PCDHA5: variants seen among roughly 807,000 people sequenced by gnomAD.
The protein encoded by PCDHA5 is protocadherin alpha 5.
In PCDHA5, 43 loss-of-function variants were observed where a neutral mutation model predicts 61.6. The observed-to-expected ratio is 0.70, with a 90% CI of 0.55 to 0.90. The LOEUF (loss-of-function observed/expected upper bound fraction) is 0.90. PCDHA5 is among the 40% of genes least tolerant of loss of function. The pLI, the probability that PCDHA5 is intolerant of heterozygous loss-of-function variation, is 0.00. For synonymous variants in PCDHA5, 627 were observed against 543.9 expected, an observed-to-expected ratio of 1.15 and a Z score of -2.13; for missense variants, 1,298 against 1,222.7, an observed-to-expected ratio of 1.06 and a Z score of -0.92.
At chr5:140,828,652 T>C (rs1357911961) in intron 1 of PCDHA5, 8 of 1,614,198 alleles carry the variant, frequency 5.0e-6, no homozygotes, top group South Asian at 1.1e-5. Flanking sequence ...TAAACAGTGA[T>C]GACAATAAAC....
chr5:140,884,490 G>A (rs2060210547), intron 1 of PCDHA5: 1 of 1,614,064 alleles, frequency 6.2e-7, no homozygotes, highest in Non-Finnish European at 8.5e-7. Flanking sequence ...ACTCTAGTGT[G>A]CTCCAGCGCG....
chr5:140,832,712 T>C (rs1357328899), intron 1 of PCDHA5, among the ~76,000 whole-genome samples: 1 of 152,102 alleles, frequency 6.6e-6, no homozygotes. Flanking sequence ...ATTTAATAGA[T>C]AAATAAAGGT....
At chr5:140,985,690 C>G (rs752184454) in intron 3 of PCDHA5, among the ~76,000 whole-genome samples, 1 of 151,742 alleles carries the variant, frequency 6.6e-6, no homozygotes, top group Admixed American at 6.6e-5. Flanking sequence ...TACGCTAATC[C>G]TCGTTCATAT....
intron 1 of PCDHA5, among the ~76,000 whole-genome samples, chr5:140,911,275 G>C (rs1048648150): frequency 2.0e-5 from 3 of 152,164 alleles, no homozygotes; most frequent in African/African-American, 7.2e-5. Context: ...AGTGTCCCCA[G>C]CTTCATCAGG....
At chr5:140,913,451 T>G (rs1201347326) in intron 1 of PCDHA5, among the ~76,000 whole-genome samples, 1 of 152,160 alleles carries the variant, frequency 6.6e-6, no homozygotes, top group East Asian at 1.9e-4. Context: ...CAGCTCCGAT[T>G]TTATTTACTT....
Position 140,850,457 on chromosome 5 carries a change from C to T in PCDHA5, c.2352+26330C>T, listed in dbSNP as rs2041615283. On this transcript the variant is annotated intron_variant, in intron 1 of 3. Transcript: ENST00000529859. ...GCCTACTGGTGCTGGTGAAAGACCA[C>T]GGGGAGCCAGCGCTGACGGCCACGG... is the stretch of plus-strand genomic sequence containing the variant. 8.1e-6 allele frequency: 13 copies of T among 1,597,684 alleles called. 1 individual carries two copies. Among genetic ancestry groups the T allele is most frequent in the Non-Finnish European group, 1.1e-5 (13 of 1,167,628 alleles).
At chr5:140,917,665 T>C (rs1174470921) in intron 1 of PCDHA5, among the ~76,000 whole-genome samples, 4 of 152,220 alleles carry the variant, frequency 2.6e-5, no homozygotes, top group African/African-American at 9.6e-5. Flanking sequence ...AGGAAGTCCT[T>C]TCTCCATTGC....
intron 1 of PCDHA5, among the ~76,000 whole-genome samples, chr5:140,970,929 G>A (rs537614286): frequency 1.4e-4 from 22 of 152,192 alleles, no homozygotes; most frequent in Non-Finnish European, 2.9e-4. Flanking sequence ...AGTGCCTGGT[G>A]TTAGTCAATG....
chr5:140,834,564 C>T (rs2150221113), intron 1 of PCDHA5: 12 of 1,613,972 alleles, frequency 7.4e-6, no homozygotes, highest in African/African-American at 2.7e-5. Flanking sequence ...GGAGCTGGTG[C>T]CGCGCCTGTT....
intron 1 of PCDHA5, among the ~76,000 whole-genome samples, chr5:140,952,331 T>G (rs1302386893): frequency 1.8e-5 from 2 of 112,488 alleles, no homozygotes; most frequent in African/African-American, 7.8e-5. Context: ...AGAGTGAAAC[T>G]CCATCTCAAA....
In PCDHA5 at chr5:140,855,474, C is replaced by T. The variant is rs997217146; in HGVS notation, c.2352+31347C>T. On this transcript the variant is annotated intron_variant, in intron 1 of 3. Transcript: ENST00000529859. Reference sequence around the variant, plus strand: ...ATAAACACCTCACAGATAGTTGATGCTTGACATTAGTGTCTAAATAAACCT... The same window carrying T: ...ATAAACACCTCACAGATAGTTGATGTTTGACATTAGTGTCTAAATAAACCT... Among the ~76,000 whole-genome samples, 3 of 149,784 alleles carry T rather than the reference C, an allele frequency of 2.0e-5. 1 individual carries two copies. Among genetic ancestry groups the T allele is most frequent in the African/African-American group, 7.3e-5 (3 of 40,830 alleles).
intron 1 of PCDHA5, chr5:140,862,334 C>T: frequency 3.0e-6 from 1 of 329,810 alleles, no homozygotes; most frequent in Non-Finnish European, 6.0e-6. Context: ...TGTAATTGAC[C>T]CTAACTTCAG....
At position 141,003,197 on chromosome 5, in the gene PCDHA5, C is replaced by T. The variant is rs77453404; in HGVS notation, c.2501-6430C>T. 6.7e-3 allele frequency among the ~76,000 whole-genome samples: 1,024 copies of T among 152,320 alleles called. 13 individuals are homozygous for T. Among genetic ancestry groups the T allele is most frequent in the African/African-American group, 0.024 (986 of 41,560 alleles). On this transcript the variant is annotated intron_variant, in intron 3 of 3. Transcript: ENST00000529859. ...GGCTCAACTCCATCAACTCAGGCAGCCAGGGTTAGTTTAGCATGAAAGAGG... is the reference window on the plus strand; with the variant it reads ...GGCTCAACTCCATCAACTCAGGCAGTCAGGGTTAGTTTAGCATGAAAGAGG...
chr5:140,851,487 C>T (rs1273932978), intron 1 of PCDHA5: 42 of 889,088 alleles, frequency 4.7e-5, no homozygotes, highest in Non-Finnish European at 5.1e-5. Context: ...TAAACACAGC[C>T]TTCATTTCAA....
rs2150273023 is a variant in PCDHA5, at chr5:140,837,088, T to C, written c.2352+12961T>C. On this transcript the variant is annotated intron_variant, in intron 1 of 3. Transcript: ENST00000529859. Reference sequence around the variant, plus strand: ...TGATAATCAATACCTATAAATGTTATAGTAAACAAATTTAATATATATGTT... The same window carrying C: ...TGATAATCAATACCTATAAATGTTACAGTAAACAAATTTAATATATATGTT... 8 of 165,626 alleles carry C rather than the reference T, an allele frequency of 4.8e-5. 1 individual carries two copies. Among genetic ancestry groups the C allele is most frequent in the Non-Finnish European group, 1.0e-4 (8 of 77,090 alleles). 10.3% of individuals were successfully genotyped at this position (165,626 alleles called of 1,614,324 possible).
At position 140,856,829 on chromosome 5, in the gene PCDHA5, A is replaced by G. The variant is rs781823533; in HGVS notation, c.2352+32702A>G. The G allele has an allele frequency of 3.4e-5, 54 of 1,592,340 alleles. 7 individuals are homozygous for G. The highest frequency in any genetic ancestry group is 4.6e-5 in the Non-Finnish European group (54 of 1,162,524). ...AAATCAAGTGAACCAAACATTAGTA[A>G]TACGGCTCAACGCTTCTGATTCGGA... On this transcript the variant is annotated intron_variant, in intron 1 of 3. Coordinates refer to ENST00000529859, the MANE Select transcript of PCDHA5 (RefSeq NM_018908.3).
chr5:140,970,427 GGTGTTA>G (rs1442614278), intron 1 of PCDHA5, among the ~76,000 whole-genome samples: 6 of 152,192 alleles, frequency 3.9e-5, no homozygotes, highest in Admixed American at 3.3e-4. Context: ...TGTAGAGGCA[GGTGTTA>G]GTATATGCAC....
intron 1 of PCDHA5, chr5:140,857,524 T>G (rs251363): frequency 0.63 from 998,871 of 1,597,030 alleles, 345,157 homozygotes; most frequent in African/African-American, 0.69. Context: ...TGTCCTACTC[T>G]CTGGTGGAGC....
In PCDHA5 at chr5:140,842,782, C is replaced by T. The variant is rs1349278415; in HGVS notation, c.2352+18655C>T. 6 of 1,594,538 alleles carry T rather than the reference C, an allele frequency of 3.8e-6. 1 individual carries two copies. The highest frequency in any genetic ancestry group is 5.1e-6 in the Non-Finnish European group (6 of 1,165,434). ...CGCGAGACGCGGACGCGCAGGAGAA[C>T]GCGCTGGTGTCCTACTCGCTTGTGG... On this transcript the variant is annotated intron_variant, in intron 1 of 3. Transcript: ENST00000529859.
Sources: allele counts gnomAD v4.1 joint callset (sites outside exome capture counted in the v4.1 genomes callset), GRCh38; gene constraint gnomAD v4.1.1; transcripts MANE v1.5; gene names NCBI Gene and HGNC (gene_info 2026-07-23, HGNC 2026-07-21).